Variants in CEP85L observed in about 807,000 individuals in gnomAD.
CEP85L encodes the protein centrosomal protein of 85 kDa-like.
Under a neutral mutation model 100.3 loss-of-function variants are expected in CEP85L, and 60 were observed. The observed-to-expected ratio is 0.60, with a 90% CI of 0.49 to 0.74. The LOEUF (loss-of-function observed/expected upper bound fraction) is 0.74, where lower values mean the gene tolerates loss of function less well. CEP85L is among the 30% of genes least tolerant of loss of function. CEP85L has a pLI of 0.00. For missense variants in CEP85L, 973 were observed against 936.2 expected, an observed-to-expected ratio of 1.04 and a Z score of -0.51; for synonymous variants, 319 against 322.7, an observed-to-expected ratio of 0.99 and a Z score of 0.12.
At chr6:118,499,918 T>C (rs1775168878) in intron 5 of CEP85L, among the ~76,000 whole-genome samples, 1 of 152,048 alleles carries the variant, frequency 6.6e-6, no homozygotes, top group Non-Finnish European at 1.5e-5. Context: ...ATAAAAGGTA[T>C]ACTGATTGGA....
chr6:118,515,557 A>T (rs1776223248), intron 4 of CEP85L, among the ~76,000 whole-genome samples: 1 of 152,244 alleles, frequency 6.6e-6, no homozygotes, highest in Non-Finnish European at 1.5e-5. Context: ...CTTGGACCAC[A>T]GTGAAATTAA....
chr6:118,638,473 T>A (rs954963777), intron 1 of CEP85L, among the ~76,000 whole-genome samples: 16 of 151,528 alleles, frequency 1.1e-4, no homozygotes, highest in African/African-American at 3.9e-4. Flanking sequence ...AAGAAGTACA[T>A]GTGAAATATG....
At chr6:118,583,988 T>G (rs422312) in intron 2 of CEP85L, among the ~76,000 whole-genome samples, 37,711 of 152,120 alleles carry the variant, frequency 0.25, 5,409 homozygotes, top group East Asian at 0.61. Flanking sequence ...AATACCGGTT[T>G]GCCTTCAAAT....
chr6:118,679,006 G>A (rs1264019656), intron 1 of CEP85L, among the ~76,000 whole-genome samples: 3 of 152,156 alleles, frequency 2.0e-5, no homozygotes, highest in African/African-American at 7.2e-5. Flanking sequence ...CAAACTACTT[G>A]AGGTTTCCTG....
At chr6:118,599,736 T>C (rs1484672698) in intron 2 of CEP85L, among the ~76,000 whole-genome samples, 1 of 152,192 alleles carries the variant, frequency 6.6e-6, no homozygotes, top group Admixed American at 6.5e-5. Flanking sequence ...ACCCCTGATA[T>C]GATATGATGA....
intron 1 of CEP85L, among the ~76,000 whole-genome samples, chr6:118,648,594 A>T (rs1380708544): frequency 7.3e-5 from 11 of 150,906 alleles, no homozygotes; most frequent in African/African-American, 2.5e-4. Context: ...ACAAAAAAAT[A>T]ACCCGGGTGT....
At chr6:118,558,685 AGAGGG>A in intron 3 of CEP85L, 1 of 520,172 alleles carries the variant, frequency 1.9e-6, no homozygotes, top group African/African-American at 1.9e-5. Flanking sequence ...AGAGAGAGAG[AGAGGG>A]AGAGAGACTA....
At chr6:118,694,378 ATTAG>A (rs891203053) in intron 1 of CEP85L, among the ~76,000 whole-genome samples, 4 of 152,234 alleles carry the variant, frequency 2.6e-5, no homozygotes, top group African/African-American at 9.6e-5. Flanking sequence ...TAAAAGGAAA[ATTAG>A]TTAAAATATA....
intron 1 of CEP85L, among the ~76,000 whole-genome samples, chr6:118,648,953 T>C (rs1324849645): frequency 6.6e-6 from 1 of 152,116 alleles, no homozygotes; most frequent in Non-Finnish European, 1.5e-5. Flanking sequence ...GCTGGAATAA[T>C]TGCTCAAATT....
chr6:118,542,711 T>C (rs1003588037), intron 3 of CEP85L, among the ~76,000 whole-genome samples: 1 of 151,928 alleles, frequency 6.6e-6, no homozygotes, highest in Non-Finnish European at 1.5e-5. Context: ...AAATCTCTTA[T>C]ATTATGGTTA....
At chr6:118,623,759 A>G (rs377238293) in intron 2 of CEP85L, among the ~76,000 whole-genome samples, 1 of 152,210 alleles carries the variant, frequency 6.6e-6, no homozygotes, top group Non-Finnish European at 1.5e-5. Context: ...GAAACGGCCA[A>G]TTTGGTCAAA....
intron 2 of CEP85L, among the ~76,000 whole-genome samples, chr6:118,602,888 T>C (rs772596414): frequency 7.9e-5 from 12 of 152,034 alleles, no homozygotes; most frequent in South Asian, 2.1e-4. Context: ...TGGCACAATC[T>C]CAGCTCACTG....
chr6:118,578,140 T>C (rs573689207), intron 2 of CEP85L, among the ~76,000 whole-genome samples: 9 of 152,212 alleles, frequency 5.9e-5, no homozygotes, highest in Non-Finnish European at 1.0e-4. Flanking sequence ...TACACAGCCC[T>C]TCCTGCTTGA....
rs74971053 is a variant in CEP85L, at chr6:118,579,289, T to C, written c.233-12973A>G. On this transcript the variant is annotated intron_variant, in intron 2 of 12. Transcript: ENST00000368491. The stretch of plus-strand genomic sequence containing the variant: ...ATTTAAAGGACAATTTGATGTATGG[T>C]TCAAAGAGGTCAACAATTCAAAATA... 3.8e-3 allele frequency among the ~76,000 whole-genome samples: 576 copies of C among 151,336 alleles called. 3 individuals carry two copies. The highest frequency in any genetic ancestry group is 0.013 in the African/African-American group (550 of 41,346).
At chr6:118,617,595 T>C (rs1773151088) in intron 2 of CEP85L, among the ~76,000 whole-genome samples, 1 of 152,176 alleles carries the variant, frequency 6.6e-6, no homozygotes. Flanking sequence ...TCTCCCGCCT[T>C]AAAGAGTTTA....
intron 1 of CEP85L, among the ~76,000 whole-genome samples, chr6:118,685,110 C>T (rs761041187): frequency 7.9e-5 from 12 of 152,184 alleles, no homozygotes; most frequent in Non-Finnish European, 1.6e-4. Context: ...AACCTGTCTT[C>T]TGTTCAACTA....
At chr6:118,547,872 CATT>C (rs1276644196) in intron 3 of CEP85L, among the ~76,000 whole-genome samples, 2 of 152,030 alleles carry the variant, frequency 1.3e-5, no homozygotes, top group Admixed American at 6.6e-5. Context: ...TAAAAGCTAA[CATT>C]ATGAAGACAC....
At chr6:118,588,407 GT>G (rs1780989241) in intron 2 of CEP85L, among the ~76,000 whole-genome samples, 1 of 152,202 alleles carries the variant, frequency 6.6e-6, no homozygotes, top group Non-Finnish European at 1.5e-5. Flanking sequence ...GCCTTAGTAG[GT>G]AGTAGCACAA....
intron 6 of CEP85L, among the ~76,000 whole-genome samples, chr6:118,491,139 G>A (rs1042247954): frequency 6.7e-6 from 1 of 148,484 alleles, no homozygotes; most frequent in South Asian, 2.1e-4. Flanking sequence ...TGTTGTACTC[G>A]TTTACATTCT....
Sources: gnomAD v4.1 joint callset for allele counts (sites outside exome capture counted in the v4.1 genomes callset) on GRCh38, gnomAD v4.1.1 for gene constraint, MANE v1.5 for transcripts, NCBI Gene and HGNC (gene_info 2026-07-23, HGNC 2026-07-21) for gene names.